Variants in CCDC9 observed in about 807,000 individuals in gnomAD.
CCDC9 encodes the protein coiled-coil domain containing 9.
Under a neutral mutation model 65.6 loss-of-function variants are expected in CCDC9, and 52 were observed. That is an observed-to-expected ratio of 0.79 (90% CI 0.63 to 1.00). CCDC9 has a LOEUF of 1.00. CCDC9 is among the 50% of genes least tolerant of loss of function. CCDC9 has a pLI of 0.00. For synonymous variants in CCDC9, 332 were observed against 280.3 expected (o/e 1.18, Z -1.84); for missense variants, 834 against 757.2 (o/e 1.10, Z -1.19).
intron 2 of CCDC9, 44 bp from the exon 3 acceptor site, chr19:47,258,515 A>T (rs372031704): frequency 2.5e-4 from 397 of 1,604,340 alleles, no homozygotes; most frequent in Non-Finnish European, 3.2e-4. Flanking sequence ...CCTGGTATGG[A>T]TGGAGGTTTT....
At chr19:47,275,440 T>G (rs1034091151), downstream of CCDC9, 10 of 1,429,068 alleles carry the variant, frequency 7.0e-6, no homozygotes, top group South Asian at 1.4e-5. Flanking sequence ...TCCGGCCTTC[T>G]TCCTAATGAC....
chr19:47,262,724 C>T (rs2059054442), intron 5 of CCDC9, among the ~76,000 whole-genome samples: 1 of 152,156 alleles, frequency 6.6e-6, no homozygotes, highest in African/African-American at 2.4e-5. Context: ...ACGTTGTCTA[C>T]AGCTGGCTGG....
At chr19:47,258,277 G>C in intron 1 of CCDC9, 53 bp from the exon 2 acceptor site, 1 of 962,884 alleles carries the variant, frequency 1.0e-6, no homozygotes, top group South Asian at 1.4e-5. Context: ...GTTAGAGGGT[G>C]AAGTAGGTTG....
At chr19:47,258,691 C>A in intron 3 of CCDC9, 28 bp downstream of exon 3, 2 of 1,525,954 alleles carry the variant, frequency 1.3e-6, no homozygotes, top group Non-Finnish European at 9.1e-7. Context: ...TGGGAGACCC[C>A]ATCCCCTCTC....
At chr19:47,267,781 G>A (rs1306875093) in intron 8 of CCDC9, among the ~76,000 whole-genome samples, 1 of 152,154 alleles carries the variant, frequency 6.6e-6, no homozygotes, top group African/African-American at 2.4e-5. Flanking sequence ...GCATCCTCCT[G>A]CCAGCCTCTG....
At chr19:47,275,622 G>GAGCCCAC, downstream of CCDC9, 1 of 498,398 alleles carries the variant, frequency 2.0e-6, no homozygotes, top group Middle Eastern at 5.4e-4. Flanking sequence ...GCTGAGCACA[G>GAGCCCAC]AGCCCACAGC....
chr19:47,260,189 A>G, intron 3 of CCDC9, 132 bp from the exon 4 acceptor site: 1 of 645,998 alleles, frequency 1.5e-6, no homozygotes, highest in Non-Finnish European at 2.8e-6. Flanking sequence ...GAGGGATATG[A>G]GCGGCCTTCT....
At chr19:47,261,157 G>A (rs1016533841) in intron 5 of CCDC9, among the ~76,000 whole-genome samples, 1 of 151,536 alleles carries the variant, frequency 6.6e-6, no homozygotes, top group Non-Finnish European at 1.5e-5. Context: ...TTAGTGCTGC[G>A]TGTCCCTCCC....
At chr19:47,268,334 C>T (rs181592332) in intron 8 of CCDC9, among the ~76,000 whole-genome samples, 2 of 152,276 alleles carry the variant, frequency 1.3e-5, no homozygotes, top group African/African-American at 4.8e-5. Context: ...TTAGGTTTTA[C>T]CTCATCCCCC....
chr19:47,259,713 C>A (rs1230515647), intron 3 of CCDC9, among the ~76,000 whole-genome samples: 1 of 152,204 alleles, frequency 6.6e-6, no homozygotes, highest in African/African-American at 2.4e-5. Flanking sequence ...TTGGGATACA[C>A]GTCAGTGACA....
At chr19:47,274,565 A>T (rs979675785), downstream of CCDC9, 1 of 164,280 alleles carries the variant, frequency 6.1e-6, no homozygotes, top group African/African-American at 2.8e-5. Flanking sequence ...GAGCGGGACG[A>T]GGGGGCGGGC....
At chr19:47,259,040 C>T (rs892690231) in intron 3 of CCDC9, among the ~76,000 whole-genome samples, 2 of 152,316 alleles carry the variant, frequency 1.3e-5, no homozygotes, top group Middle Eastern at 3.4e-3. Flanking sequence ...AGAGGAGGCT[C>T]TTGACCCAGC....
downstream of CCDC9, chr19:47,275,511 G>A (rs2059154533): frequency 1.1e-5 from 11 of 1,010,316 alleles, no homozygotes; most frequent in East Asian, 2.8e-4. Flanking sequence ...GTGTCAGCTC[G>A]GGGCCTTGCC....
intron 5 of CCDC9, among the ~76,000 whole-genome samples, chr19:47,263,668 C>G (rs2059060372): frequency 6.6e-6 from 1 of 150,984 alleles, no homozygotes; most frequent in Admixed American, 6.6e-5. Flanking sequence ...TGGTTTCAAG[C>G]AATTCTCCTG....
At chr19:47,266,562 G>A (rs368410576) in intron 7 of CCDC9, 49 bp from the exon 8 acceptor site, 148 of 1,456,748 alleles carry the variant, frequency 1.0e-4, no homozygotes, top group Middle Eastern at 2.4e-4. Flanking sequence ...GCTTAGGGGC[G>A]GGGTAGGGTG....
chr19:47,266,417 G>C, intron 7 of CCDC9, 194 bp from the exon 8 acceptor site: 1 of 683,618 alleles, frequency 1.5e-6, no homozygotes, highest in Non-Finnish European at 2.2e-6. Context: ...TCCAGCAGCT[G>C]AGGGGACAGA....
intron 5 of CCDC9, among the ~76,000 whole-genome samples, chr19:47,263,168 T>C (rs1600281155): frequency 6.6e-6 from 1 of 151,710 alleles, no homozygotes; most frequent in African/African-American, 2.4e-5. Context: ...TTGTGGTTGG[T>C]GGGGGTAGGT....
rs1246304323 is a variant in CCDC9, at chr19:47,264,629, C to T, written c.489C>T (p.Asn163=). 1.2e-6 allele frequency: 2 copies of T among 1,603,022 alleles called. No homozygotes were observed. The change falls in exon 6 of 12, where the codon AAC becomes AAT. Residue 163 remains asparagine (N), a synonymous_variant. Coordinates refer to ENST00000221922, the MANE Select transcript of CCDC9 (RefSeq NM_015603.3). ...SKEWEERRRQ[N]IEKMNEEMEK... ...AGTGGGAGGAGCGGCGCAGGCAGAACATTGAGAAGATGAATGAGGAGATGG... is the reference window on the plus strand; with the variant it reads ...AGTGGGAGGAGCGGCGCAGGCAGAATATTGAGAAGATGAATGAGGAGATGG...
chr19:47,260,588 G>C lies in CCDC9; in HGVS notation c.211G>C (p.Glu71Gln). The change falls in exon 5 of 12, where the codon GAG becomes CAG. Residue 71 changes from glutamate to glutamine, a missense_variant and splice_region_variant. Transcript: ENST00000221922. ...VEKENVAVES[E>Q]KNLGPSRRSP... ...ATTTTCCCCATCTCCCCTCTTCCAG[G>C]AGAAGAACCTGGGTCCTTCCCGGAG... The C allele has an allele frequency of 6.5e-7, 1 of 1,530,926 alleles. No homozygotes were observed. The highest frequency in any genetic ancestry group is 2.3e-5 in the East Asian group (1 of 44,358). 94.8% of individuals were successfully genotyped at this position (1,530,926 alleles called of 1,614,324 possible).
Sources: allele counts gnomAD v4.1 joint callset (sites outside exome capture counted in the v4.1 genomes callset), GRCh38; gene constraint gnomAD v4.1.1; transcripts MANE v1.5; gene names NCBI Gene and HGNC (gene_info 2026-07-23, HGNC 2026-07-21).